SETD1A: variants seen among roughly 807,000 people sequenced by gnomAD.
The protein encoded by SETD1A is histone-lysine N-methyltransferase SETD1A.
Under a neutral mutation model 149.9 loss-of-function variants are expected in SETD1A, and 29 were observed. The ratio of observed to expected loss-of-function variants is 0.19; its 90% CI spans 0.14 to 0.26. SETD1A has a LOEUF of 0.26. Among genes scored for constraint, SETD1A ranks in the 10% least tolerant of loss-of-function variants. The pLI is 1.00. For missense variants in SETD1A, 2,109 were observed against 2,353.1 expected (o/e 0.90, Z 2.15); for synonymous variants, 1,141 against 968.5 (o/e 1.18, Z -3.31).
chr16:30,977,186 C>T (rs2056295080), intron 13 of SETD1A, among the ~76,000 whole-genome samples: 1 of 152,200 alleles, frequency 6.6e-6, no homozygotes, highest in African/African-American at 2.4e-5. Flanking sequence ...CCTCATGGTC[C>T]ACCCGCCTCG....
chr16:30,966,235 T>G lies in SETD1A; in HGVS notation c.2354T>G (p.Leu785Arg). The change falls in exon 8 of 19, where the codon CTC (leucine) becomes CGC (arginine). Residue 785 changes from leucine to arginine, a missense_variant. Around this residue, in one of 8 missense-constraint regions of SETD1A, gnomAD observed 431 missense variants for 388.6 expected, o/e 1.11. Coordinates refer to ENST00000262519, the MANE Select transcript of SETD1A (RefSeq NM_014712.3). ...GCAGAGCTGGCAGAGGGCAAGACCC[T>G]CCCGACAGCAGGCACCGTGGGCCGT... ...EEAELAEGKT[L>R]PTAGTVGRVL... The G allele has an allele frequency of 6.2e-7, 1 of 1,613,618 alleles. No homozygotes were observed. The highest frequency in any genetic ancestry group is 8.5e-7 in the Non-Finnish European group (1 of 1,179,946).
rs1216898408 is a variant in SETD1A at position 30,980,772 on chromosome 16, G to A, written c.4615G>A (p.Glu1539Lys). 3.7e-6 allele frequency: 6 copies of A among 1,612,906 alleles called. No individual in the cohort carries two copies. The highest frequency in any genetic ancestry group is 4.5e-5 in the East Asian group (2 of 44,864). The part of the protein sequence containing the change: ...TNRVLSERRS[E>K]QRRLLSAIGT... ...CCGCGTGCTGTCCGAGCGCCGGTCC[G>A]AGCAGCGGCGGCTGCTGAGCGCCAT... The change falls in exon 16 of 19, where the codon GAG (glutamate) becomes AAG (lysine). Residue 1539 changes from glutamate to lysine, a missense_variant. Physicochemically the swap from Glu to Lys is moderately conservative, Grantham distance 56. Coordinates refer to ENST00000262519, the MANE Select transcript of SETD1A (RefSeq NM_014712.3). This position sits in a 1 kb window ranked among gnomAD's most constrained non-coding sequence, Gnocchi z 7.7.
rs1270315642 is a variant in SETD1A at position 30,979,334 on chromosome 16, C to G, written c.3548C>G (p.Pro1183Arg). The change falls in exon 14 of 19, where the codon CCA becomes CGA. Residue 1183 changes from proline (P) to arginine (R), a missense_variant. Pro to Arg is a moderately radical substitution (Grantham distance 103). Around this residue, in one of 8 missense-constraint regions of SETD1A, gnomAD observed 832 missense variants for 815.6 expected, o/e 1.02. Transcript: ENST00000262519. ...IEVVPAPEPP[P>R]ATPPQAKFPG... ...GTGGTGCCAGCCCCGGAGCCCCCTC[C>G]AGCCACACCGCCGCAGGCCAAGTTT... is the stretch of plus-strand genomic sequence containing the variant. 6.2e-7 allele frequency: 1 copy of G among 1,613,526 alleles called. No homozygotes were observed. Among genetic ancestry groups the G allele is most frequent in the Admixed American group, 1.7e-5 (1 of 60,006 alleles).
At chr16:30,963,843 T>G (rs1211711586) in intron 5 of SETD1A, among the ~76,000 whole-genome samples, 4 of 151,982 alleles carry the variant, frequency 2.6e-5, no homozygotes, top group Non-Finnish European at 5.9e-5. Context: ...CTGCAAAAAA[T>G]TAGCCAGGCA....
At chr16:30,962,837 C>G (rs750706963) in intron 4 of SETD1A, among the ~76,000 whole-genome samples, 1 of 152,180 alleles carries the variant, frequency 6.6e-6, no homozygotes, top group African/African-American at 2.4e-5. Context: ...CCCAGCTACT[C>G]GAGAGGCTGA....
Position 30,983,235 on chromosome 16 carries a change from T to C in SETD1A, c.4813-400T>C, listed in dbSNP as rs1350783284. On this transcript the variant is annotated intron_variant, in intron 17 of 18. Coordinates refer to ENST00000262519, the MANE Select transcript of SETD1A (RefSeq NM_014712.3). This position sits in a 1 kb window ranked among gnomAD's most constrained non-coding sequence, Gnocchi z 6.8. ...CGGTGGCAGCCAACAGGTGCCTGTTTTGGAGAGAGGTCCAGGGAGGAGAGA... is the reference window on the plus strand; with the variant it reads ...CGGTGGCAGCCAACAGGTGCCTGTTCTGGAGAGAGGTCCAGGGAGGAGAGA... Among the ~76,000 whole-genome samples the C allele has an allele frequency of 6.6e-6, 1 of 152,116 alleles. No individual in the cohort carries two copies. The highest frequency in any genetic ancestry group is 1.5e-5 in the Non-Finnish European group (1 of 67,996).
rs893535662 is a variant in SETD1A at position 30,983,190 on chromosome 16, G to A, written c.4813-445G>A. ...CGGAGGTGCGGGGCCTGACATGGGC[G>A]GCCTGCCATTTGCATTAGCCGGTGG... On this transcript the variant is annotated intron_variant, in intron 17 of 18. Coordinates refer to ENST00000262519, the MANE Select transcript of SETD1A (RefSeq NM_014712.3). The surrounding 1 kb of genome is among the most constrained non-coding windows in gnomAD (Gnocchi z 6.8). Among the ~76,000 whole-genome samples, 4 of 152,136 alleles carry A rather than the reference G, an allele frequency of 2.6e-5. No individual in the cohort carries two copies. Among genetic ancestry groups the A allele is most frequent in the African/African-American group, 9.7e-5 (4 of 41,426 alleles).
Position 30,967,048 on chromosome 16 carries a change from G to T in SETD1A, c.2670G>T (p.Leu890=). The T allele has an allele frequency of 6.3e-7, 1 of 1,589,628 alleles. No homozygotes were observed. Among genetic ancestry groups the T allele is most frequent in the Non-Finnish European group, 8.5e-7 (1 of 1,169,772 alleles). ...CAGGGCTGAGAGGGGCCCTGCGGCT[G>T]CCTTCATTCAAGGTACTCAGAACTG... is the stretch of plus-strand genomic sequence containing the variant. ...FGSGLRGALR[L]PSFKVKRKEP... is the part of the protein sequence containing the mutation. The change falls in exon 9 of 19, where the codon CTG becomes CTT. Residue 890 remains leucine, a synonymous_variant. Transcript: ENST00000262519.
intron 12 of SETD1A, 44 bp downstream of exon 12, chr16:30,969,733 G>T (rs778758795): frequency 4.6e-6 from 7 of 1,511,014 alleles, no homozygotes; most frequent in Non-Finnish European, 5.5e-6. Context: ...CGGAGGAGGG[G>T]TTCGGCTGCC....
In SETD1A at chr16:30,965,768, A is replaced by T. The variant is rs758811965; in HGVS notation, c.1887A>T (p.Gln629His). 6.4e-7 allele frequency: 1 copy of T among 1,561,356 alleles called. No homozygotes were observed. Among genetic ancestry groups the T allele is most frequent in the South Asian group, 1.2e-5 (1 of 86,132 alleles). The change falls in exon 8 of 19, where the codon CAA (glutamine) becomes CAT (histidine). Residue 629 changes from glutamine to histidine, a missense_variant. Transcript: ENST00000262519. ...ASLPLGYPPH[Q>H]PAYLLPPRPD... The stretch of plus-strand genomic sequence containing the variant: ...TTCCTCTTGGTTATCCTCCCCACCA[A>T]CCTGCCTACCTCCTCCCACCCAGAC...
rs777157674 is a variant in SETD1A, at chr16:30,983,733, G to A, written c.4911G>A (p.Lys1637=). The A allele has an allele frequency of 5.6e-6, 9 of 1,614,150 alleles. No homozygotes were observed. Among genetic ancestry groups the A allele is most frequent in the Non-Finnish European group, 6.8e-6 (8 of 1,179,992 alleles). The change falls in exon 18 of 19, where the codon AAG becomes AAA. Residue 1637 remains lysine (K), a synonymous_variant. Transcript: ENST00000262519. This position sits in a 1 kb window ranked among gnomAD's most constrained non-coding sequence, Gnocchi z 6.8. Reference sequence around the variant, plus strand: ...ACGACACCATCATCGATGCCACCAAGTGTGGCAACCTGGCCAGATTCATCA... The same window carrying A: ...ACGACACCATCATCGATGCCACCAAATGTGGCAACCTGGCCAGATTCATCA... ...VDHDTIIDAT[K]CGNLARFINH... is the part of the protein sequence containing the mutation.
intron 13 of SETD1A, among the ~76,000 whole-genome samples, chr16:30,975,775 G>C (rs1389343076): frequency 6.6e-6 from 1 of 152,026 alleles, no homozygotes; most frequent in East Asian, 1.9e-4. Context: ...GGGCTTCAAG[G>C]CTTAGTGAGA....
In SETD1A at chr16:30,980,316, C is replaced by T. The variant is rs1299444237; in HGVS notation, c.4408+122C>T. The T allele has an allele frequency of 4.9e-6, 7 of 1,435,776 alleles. No homozygotes were observed. The East Asian group carries it at 7.2e-5, about 15-fold the overall frequency. The allele number at this position is 1,435,776 out of a possible 1,614,324, so 88.9% of individuals were successfully genotyped here. On this transcript the variant is annotated intron_variant, in intron 14 of 18. Transcript: ENST00000262519. The surrounding 1 kb of genome is among the most constrained non-coding windows in gnomAD (Gnocchi z 7.7). The stretch of plus-strand genomic sequence containing the variant: ...GCTCCAAGCCATCTTTTCTCTCCTC[C>T]TGGTGCCTCTTTTCTGCCTTCCAAA...
At chr16:30,981,703 G>A (rs1436471247) in intron 17 of SETD1A, among the ~76,000 whole-genome samples, 1 of 152,238 alleles carries the variant, frequency 6.6e-6, no homozygotes, top group Non-Finnish European at 1.5e-5. Context: ...AAGGGCCTGG[G>A]AAGCGGGAGG....
rs769466073 is a variant in SETD1A, at chr16:30,964,178, C to G, written c.724C>G (p.Pro242Ala). Reference protein sequence around the residue: ...TAVGTPGNGTPCSQDTSFSSS... With the variant: ...TAVGTPGNGTACSQDTSFSSS... The stretch of plus-strand genomic sequence containing the variant: ...GGTGGGCACTCCTGGCAACGGCACC[C>G]CCTGCTCCCAGGACACAAGCTTCTC... Residue 242 changes from proline to alanine, a missense_variant, in exon 6 of 19, where the codon CCC becomes GCC. By Grantham distance (27) the Pro-to-Ala change is conservative. Coordinates refer to ENST00000262519, the MANE Select transcript of SETD1A (RefSeq NM_014712.3). The G allele has an allele frequency of 6.2e-7, 1 of 1,613,944 alleles. No homozygotes were observed.
At chr16:30,974,691 G>A (rs1331156237) in intron 13 of SETD1A, among the ~76,000 whole-genome samples, 1 of 152,124 alleles carries the variant, frequency 6.6e-6, no homozygotes, top group Non-Finnish European at 1.5e-5. Context: ...CTGGAAGGGT[G>A]GACCACTCTT....
Position 30,979,361 on chromosome 16 carries a change from C to T in SETD1A, c.3575C>T (p.Pro1192Leu). The change falls in exon 14 of 19, where the codon CCC becomes CTC. Residue 1192 changes from proline (P) to leucine (L), a missense_variant. Pro to Leu is a moderately conservative substitution (Grantham distance 98, BLOSUM62 -3). Coordinates refer to ENST00000262519, the MANE Select transcript of SETD1A (RefSeq NM_014712.3). Reference protein sequence around the residue: ...PPATPPQAKFPGPASRKAPRG... With the variant: ...PPATPPQAKFLGPASRKAPRG... Reference sequence around the variant, plus strand: ...GCCACACCGCCGCAGGCCAAGTTTCCCGGCCCAGCCTCCCGCAAGGCTCCC... The same window carrying T: ...GCCACACCGCCGCAGGCCAAGTTTCTCGGCCCAGCCTCCCGCAAGGCTCCC... The T allele has an allele frequency of 1.2e-6, 2 of 1,612,914 alleles. No homozygotes were observed. The highest frequency in any genetic ancestry group is 1.7e-6 in the Non-Finnish European group (2 of 1,179,554).
chr16:30,965,004 C>A lies in SETD1A; in HGVS notation c.1262C>A (p.Thr421Asn). The change falls in exon 7 of 19, where the codon ACC becomes AAC. Residue 421 changes from threonine (T) to asparagine (N), a missense_variant. Around this residue, in one of 8 missense-constraint regions of SETD1A, gnomAD observed 410 missense variants for 394.8 expected, o/e 1.04. Transcript: ENST00000262519. ...CTGCCCCCCGAGCCCAGCCGGCCCACCGACCAGGACTACCGGCCTCCTGCC... is the reference window on the plus strand; with the variant it reads ...CTGCCCCCCGAGCCCAGCCGGCCCAACGACCAGGACTACCGGCCTCCTGCC... ...SYLPPEPSRP[T>N]DQDYRPPASE... is the part of the protein sequence containing the mutation. 6.2e-7 allele frequency: 1 copy of A among 1,613,832 alleles called. No individual in the cohort carries two copies. Among genetic ancestry groups the A allele is most frequent in the Non-Finnish European group, 8.5e-7 (1 of 1,180,008 alleles).
chr16:30,980,253 A>T lies in SETD1A; in HGVS notation c.4408+59A>T. 3.3e-6 allele frequency: 5 copies of T among 1,522,130 alleles called. No homozygotes were observed. Among genetic ancestry groups the T allele is most frequent in the Non-Finnish European group, 3.5e-6 (4 of 1,134,296 alleles). 94.3% of individuals were successfully genotyped at this position (1,522,130 alleles called of 1,614,324 possible). On this transcript the variant is annotated intron_variant, in intron 14 of 18. Coordinates refer to ENST00000262519, the MANE Select transcript of SETD1A (RefSeq NM_014712.3). This position sits in a 1 kb window ranked among gnomAD's most constrained non-coding sequence, Gnocchi z 7.7. ...GGGTCCTCCCCCGACCCCTCCAGGC[A>T]CCTGCATCTGTGCCCCACTCTGTCT...
Sources: allele counts gnomAD v4.1 joint callset (sites outside exome capture counted in the v4.1 genomes callset), GRCh38; gene constraint gnomAD v4.1.1; regional missense constraint gnomAD v4.1.1; non-coding constraint Gnocchi (gnomAD v3.1); transcripts MANE v1.5; gene names NCBI Gene and HGNC (gene_info 2026-07-23, HGNC 2026-07-21).